FGF12: variants seen among roughly 807,000 people sequenced by gnomAD.
FGF12 encodes fibroblast growth factor 12.
Under a neutral mutation model 23.6 loss-of-function variants are expected in FGF12, and 14 were observed. The observed-to-expected ratio is 0.59, with a 90% CI of 0.39 to 0.93. The LOEUF (loss-of-function observed/expected upper bound fraction) is 0.93, where lower values mean the gene tolerates loss of function less well. Among genes scored for constraint, FGF12 ranks in the 40% least tolerant of loss-of-function variants. FGF12 has a pLI of 0.00. For missense variants in FGF12, 175 were observed against 217.8 expected (o/e 0.80, Z 1.24); for synonymous variants, 62 against 77.3 (o/e 0.80, Z 1.04).
chr3:192,375,079 G>A (rs1287242041), intron 2 of FGF12, among the ~76,000 whole-genome samples: 1 of 152,064 alleles, frequency 6.6e-6, no homozygotes, highest in Non-Finnish European at 1.5e-5. Flanking sequence ...TGTGTGTTGT[G>A]CATTTTAACA....
chr3:192,649,786 C>G (rs1424431774), intron 2 of FGF12, among the ~76,000 whole-genome samples: 1 of 151,878 alleles, frequency 6.6e-6, no homozygotes, highest in Admixed American at 6.6e-5. Context: ...GTCTCAAACC[C>G]CTGACCTCAA....
At chr3:192,437,985 T>TA (rs2108794461) in intron 2 of FGF12, among the ~76,000 whole-genome samples, 1 of 152,330 alleles carries the variant, frequency 6.6e-6, no homozygotes, top group African/African-American at 2.4e-5. Context: ...CTCAACTGAC[T>TA]AAAAAAGTCC....
intron 2 of FGF12, among the ~76,000 whole-genome samples, chr3:192,404,606 TAAATAATGACTC>T (rs1560101444): frequency 6.6e-6 from 1 of 152,202 alleles, no homozygotes; most frequent in Non-Finnish European, 1.5e-5. Flanking sequence ...TTTTCACACA[TAAATAATGACTC>T]AAATAATGAC....
chr3:192,372,391 T>TCACACACACACACA (rs58664869), intron 2 of FGF12, among the ~76,000 whole-genome samples: 87 of 149,086 alleles, frequency 5.8e-4, no homozygotes, highest in African/African-American at 2.1e-3. Context: ...TTTCATACCA[T>TCACACACACACACA]CACACACACA....
chr3:192,209,363 G>T (rs1288087923), intron 4 of FGF12, among the ~76,000 whole-genome samples: 1 of 152,144 alleles, frequency 6.6e-6, no homozygotes, highest in Non-Finnish European at 1.5e-5. Flanking sequence ...AGAAAGCTGG[G>T]TTCCTAGTGT....
At chr3:192,459,960 C>A (rs1227056193) in intron 2 of FGF12, among the ~76,000 whole-genome samples, 1 of 152,060 alleles carries the variant, frequency 6.6e-6, no homozygotes, top group Non-Finnish European at 1.5e-5. Context: ...TACTGAGAGA[C>A]ATGTTAGACT....
At chr3:192,237,743 C>T (rs768740792) in intron 4 of FGF12, among the ~76,000 whole-genome samples, 14 of 152,106 alleles carry the variant, frequency 9.2e-5, no homozygotes, top group Non-Finnish European at 1.8e-4. Context: ...ACTGTTTCAC[C>T]GTGTTCTTGG....
At chr3:192,483,035 T>C (rs956448244) in intron 2 of FGF12, among the ~76,000 whole-genome samples, 3 of 152,148 alleles carry the variant, frequency 2.0e-5, no homozygotes, top group Non-Finnish European at 1.5e-5. Context: ...TCAATATATG[T>C]TTCCAGCTTC....
chr3:192,330,473 G>A (rs575096715), intron 4 of FGF12, among the ~76,000 whole-genome samples: 1 of 152,102 alleles, frequency 6.6e-6, no homozygotes, highest in African/African-American at 2.4e-5. Context: ...ATGGAGAAAG[G>A]TTAGCCTCTC....
intron 2 of FGF12, among the ~76,000 whole-genome samples, chr3:192,698,249 T>C (rs904753930): frequency 3.3e-5 from 5 of 152,212 alleles, no homozygotes; most frequent in Non-Finnish European, 7.3e-5. Flanking sequence ...ATAATGTGCA[T>C]GCTCATCAAA....
intron 2 of FGF12, among the ~76,000 whole-genome samples, chr3:192,527,386 G>A (rs529124178): frequency 5.2e-4 from 79 of 152,290 alleles, no homozygotes; most frequent in Admixed American, 1.2e-3. Context: ...CAAAGACCTG[G>A]GAGAAGAGGT....
chr3:192,418,278 G>A (rs1721414926), intron 2 of FGF12, among the ~76,000 whole-genome samples: 1 of 152,046 alleles, frequency 6.6e-6, no homozygotes, highest in Non-Finnish European at 1.5e-5. Flanking sequence ...CAGCACCATA[G>A]AAATAACAAA....
intron 4 of FGF12, among the ~76,000 whole-genome samples, chr3:192,260,672 G>A (rs80237500): frequency 2.6e-5 from 4 of 152,294 alleles, no homozygotes; most frequent in African/African-American, 9.6e-5. Context: ...CCTGTTATCA[G>A]ATTTCTCCAG....
intron 2 of FGF12, among the ~76,000 whole-genome samples, chr3:192,656,310 C>A (rs1222010779): frequency 2.0e-5 from 2 of 98,568 alleles, no homozygotes; most frequent in African/African-American, 6.8e-5. Context: ...CACACACACA[C>A]ACACACACAC....
In FGF12 at chr3:192,514,547, G is replaced by T; in HGVS notation, c.14-154009C>A. On this transcript the variant is annotated intron_variant, in intron 2 of 5. Transcript: ENST00000445105. This position sits in a 1 kb window ranked among gnomAD's most constrained non-coding sequence, Gnocchi z 4.9. Reference sequence around the variant, plus strand: ...CCTGACCTCGCCCCAGTCGGGAAACGCCTTCCCTCCGCCACAGGCAGCGCT... The same window carrying T: ...CCTGACCTCGCCCCAGTCGGGAAACTCCTTCCCTCCGCCACAGGCAGCGCT... 3.1e-6 allele frequency: 1 copy of T among 324,532 alleles called. No homozygotes were observed. The highest frequency in any genetic ancestry group is 4.4e-6 in the Non-Finnish European group (1 of 225,610). The allele number at this position is 324,532 out of a possible 1,614,324, so 20.1% of individuals were successfully genotyped here. A position where few individuals can be genotyped will look rare whatever the true frequency, so the allele number is the denominator to read the frequency against.
In FGF12 at chr3:192,442,281, C is replaced by G. The variant is rs13324840; in HGVS notation, c.14-81743G>C. Among the ~76,000 whole-genome samples the G allele has an allele frequency of 8.5e-3, 1,293 of 152,272 alleles. 21 individuals carry two copies. Among genetic ancestry groups the G allele is most frequent in the African/African-American group, 0.03 (1,249 of 41,554 alleles). ...ATCCAGTGTTTACTACACTGCATTGCGCACTGACTATATAGTGAAAAACAA... is the reference window on the plus strand; with the variant it reads ...ATCCAGTGTTTACTACACTGCATTGGGCACTGACTATATAGTGAAAAACAA... On this transcript the variant is annotated intron_variant, in intron 2 of 5. Coordinates refer to ENST00000445105, the MANE Select transcript of FGF12 (RefSeq NM_004113.6).
chr3:192,261,497 G>A (rs1209349118), intron 4 of FGF12, among the ~76,000 whole-genome samples: 1 of 152,114 alleles, frequency 6.6e-6, no homozygotes, highest in African/African-American at 2.4e-5. Context: ...TTTTAAGTTT[G>A]GATTAACACC....
At chr3:192,277,922 C>T (rs1713901354) in intron 4 of FGF12, among the ~76,000 whole-genome samples, 1 of 152,168 alleles carries the variant, frequency 6.6e-6, no homozygotes, top group Non-Finnish European at 1.5e-5. Flanking sequence ...GCCACCATGC[C>T]CAGCTAATTT....
chr3:192,198,426 A>G (rs572883694), intron 4 of FGF12, among the ~76,000 whole-genome samples: 9 of 151,538 alleles, frequency 5.9e-5, no homozygotes, highest in African/African-American at 2.2e-4. Flanking sequence ...TGAGCAAATG[A>G]AAAAAAAAGC....
Sources: gnomAD v4.1 joint callset for allele counts (sites outside exome capture counted in the v4.1 genomes callset) on GRCh38, gnomAD v4.1.1 for gene constraint, Gnocchi (gnomAD v3.1) non-coding constraint, MANE v1.5 for transcripts, NCBI Gene and HGNC (gene_info 2026-07-23, HGNC 2026-07-21) for gene names.